The following ARHGEF10L variants were observed in gnomAD, a reference collection of about 807,000 sequenced individuals.
ARHGEF10L encodes Rho guanine nucleotide exchange factor 10 like.
In ARHGEF10L, 69 loss-of-function variants were observed where a neutral mutation model predicts 141.2. That is an observed-to-expected ratio of 0.49 (90% CI 0.40 to 0.60). The LOEUF is 0.60. ARHGEF10L is among the 20% of genes least tolerant of loss of function. ARHGEF10L has a pLI of 0.00. For synonymous variants in ARHGEF10L, 711 were observed against 718.5 expected (o/e 0.99, Z 0.17); for missense variants, 1,482 against 1,734.3 (o/e 0.85, Z 2.58).
At position 17,558,925 on chromosome 1, in the gene ARHGEF10L, C is replaced by T. The variant is rs1365566102; in HGVS notation, c.-44+18975C>T. Among the ~76,000 whole-genome samples the T allele has an allele frequency of 1.3e-5, 2 of 152,320 alleles. No individual in the cohort carries two copies. The highest frequency in any genetic ancestry group is 3.9e-4 in the East Asian group (2 of 5,178). On this transcript the variant is annotated intron_variant, in intron 1 of 28. Coordinates refer to ENST00000361221, the MANE Select transcript of ARHGEF10L (RefSeq NM_018125.4). This position sits in a 1 kb window ranked among gnomAD's most constrained non-coding sequence, Gnocchi z 4.2. ...GCCCTTCCCCAGCTTCCTCGGCTTT[C>T]AGCTCTTTTCTTGTGTAGATTGGAG...
At chr1:17,626,084 G>A (rs377679522) in intron 14 of ARHGEF10L, 36 bp downstream of exon 14, 8 of 1,605,002 alleles carry the variant, frequency 5.0e-6, no homozygotes, top group Middle Eastern at 1.6e-4. Flanking sequence ...CAACCCACAG[G>A]GTTTGCCTGT....
At chr1:17,640,414 C>A in intron 21 of ARHGEF10L, 112 bp downstream of exon 21, 1 of 887,266 alleles carries the variant, frequency 1.1e-6, no homozygotes, top group Non-Finnish European at 1.7e-6. Flanking sequence ...GGCAGGGAGG[C>A]TTCTGAGTGG....
chr1:17,638,470 C>G, intron 19 of ARHGEF10L, 92 bp from the exon 20 acceptor site: 1 of 1,556,292 alleles, frequency 6.4e-7, no homozygotes, highest in Non-Finnish European at 8.7e-7. Context: ...AGTTTCTCTT[C>G]CTCTGGGGTG....
rs2065572258 is a variant in ARHGEF10L, at chr1:17,697,189, C to T, written c.3649C>T (p.Pro1217Ser). 1 of 1,611,996 alleles carries T rather than the reference C, an allele frequency of 6.2e-7. No individual in the cohort carries two copies. The highest frequency in any genetic ancestry group is 8.5e-7 in the Non-Finnish European group (1 of 1,179,488). The change falls in exon 29 of 29, where the codon CCC becomes TCC. Residue 1217 changes from proline (P) to serine (S), a missense_variant. Around this residue, in one of 3 missense-constraint regions of ARHGEF10L, gnomAD observed 858 missense variants for 966.3 expected, o/e 0.89. Transcript: ENST00000361221. This position sits in a 1 kb window ranked among gnomAD's most constrained non-coding sequence, Gnocchi z 4.8. ...CTCCATTTACGAGATGGCCGACGAC[C>T]CCGACATCTGGGTGCGCAGCCGGCC... is the stretch of plus-strand genomic sequence containing the variant. The part of the protein sequence containing the change: ...DGSIYEMADD[P>S]DIWVRSRPCA...
the ARHGEF10L span, among the ~76,000 whole-genome samples, chr1:17,513,710 G>T: frequency 6.6e-6 from 1 of 152,178 alleles, no homozygotes; most frequent in Non-Finnish European, 1.5e-5. Flanking sequence ...CCAATTGGAG[G>T]TATTAATTTT....
intron 27 of ARHGEF10L, 85 bp downstream of exon 27, chr1:17,687,832 C>T: frequency 7.1e-7 from 1 of 1,400,422 alleles, no homozygotes; most frequent in Admixed American, 2.7e-5. Context: ...GCAGCCCATC[C>T]CATTTTCCCT....
At chr1:17,696,057 T>TA (rs903789105) in intron 28 of ARHGEF10L, among the ~76,000 whole-genome samples, 40 of 151,718 alleles carry the variant, frequency 2.6e-4, no homozygotes, top group African/African-American at 8.0e-4. Flanking sequence ...AAAATAAAAA[T>TA]AAAAAATTAG....
chr1:17,665,845 T>A (rs2062946101), intron 26 of ARHGEF10L, among the ~76,000 whole-genome samples: 1 of 152,120 alleles, frequency 6.6e-6, no homozygotes, highest in African/African-American at 2.4e-5. Flanking sequence ...AGCCCCAGCA[T>A]CTGTGGACAG....
At chr1:17,691,719 G>A (rs2065123063) in intron 27 of ARHGEF10L, among the ~76,000 whole-genome samples, 2 of 151,686 alleles carry the variant, frequency 1.3e-5, no homozygotes, top group Admixed American at 1.3e-4. Context: ...ATATATATGT[G>A]TGTATATATT....
At chr1:17,645,845 G>A (rs150074075) in intron 21 of ARHGEF10L, among the ~76,000 whole-genome samples, 6 of 152,318 alleles carry the variant, frequency 3.9e-5, no homozygotes, top group East Asian at 1.9e-4. Flanking sequence ...CGTATCTCCC[G>A]TGATGGCTGT....
Position 17,625,870 on chromosome 1 carries a change from C to T in ARHGEF10L, c.1318-86C>T. ...GGGTCTTAGGGCCTGGGGAGAGGAGCCCAGAATGGGGACAGTGTCTGGACT... is the reference window on the plus strand; with the variant it reads ...GGGTCTTAGGGCCTGGGGAGAGGAGTCCAGAATGGGGACAGTGTCTGGACT... On this transcript the variant is annotated intron_variant, in intron 13 of 28. Coordinates refer to ENST00000361221, the MANE Select transcript of ARHGEF10L (RefSeq NM_018125.4). The surrounding 1 kb of genome is among the most constrained non-coding windows in gnomAD (Gnocchi z 4.5). 8.4e-7 allele frequency: 1 copy of T among 1,197,470 alleles called. No individual in the cohort carries two copies. The highest frequency in any genetic ancestry group is 1.2e-6 in the Non-Finnish European group (1 of 818,420). The allele number at this position is 1,197,470 out of a possible 1,614,324, so 74.2% of individuals were successfully genotyped here. A position where few individuals can be genotyped will look rare whatever the true frequency, so the allele number is the denominator to read the frequency against.
chr1:17,521,971 C>G, the ARHGEF10L span, among the ~76,000 whole-genome samples: 1 of 152,212 alleles, frequency 6.6e-6, no homozygotes. Flanking sequence ...CCTATCCTTA[C>G]GTAGCCCCCA....
chr1:17,620,723 G>C (rs2060061865), intron 10 of ARHGEF10L, among the ~76,000 whole-genome samples: 1 of 152,140 alleles, frequency 6.6e-6, no homozygotes, highest in Admixed American at 6.5e-5. Context: ...GGACAGCTGT[G>C]GGGGTAGAGT....
At chr1:17,681,358 A>G (rs530631768) in intron 26 of ARHGEF10L, among the ~76,000 whole-genome samples, 1 of 152,338 alleles carries the variant, frequency 6.6e-6, no homozygotes, top group East Asian at 1.9e-4. Context: ...GTCCAGGTAC[A>G]GGTTTTCCCA....
intron 2 of ARHGEF10L, among the ~76,000 whole-genome samples, chr1:17,582,173 C>T (rs961896445): frequency 6.6e-5 from 10 of 152,108 alleles, no homozygotes; most frequent in Non-Finnish European, 1.0e-4. Context: ...GAGACAAGCA[C>T]ATCTCACCTC....
intron 26 of ARHGEF10L, among the ~76,000 whole-genome samples, chr1:17,669,648 G>A (rs531711304): frequency 1.1e-4 from 17 of 152,296 alleles, no homozygotes; most frequent in Non-Finnish European, 1.9e-4. Flanking sequence ...TTCTGTCTGC[G>A]TCAGATGTAA....
At chr1:17,552,578 T>G (rs917888512) in intron 1 of ARHGEF10L, among the ~76,000 whole-genome samples, 2 of 110,308 alleles carry the variant, frequency 1.8e-5, no homozygotes, top group Non-Finnish European at 4.2e-5. Flanking sequence ...TTCGTTTTTT[T>G]TTTTTTTTTT....
At chr1:17,585,092 A>G (rs1346444817) in intron 2 of ARHGEF10L, among the ~76,000 whole-genome samples, 3 of 152,238 alleles carry the variant, frequency 2.0e-5, no homozygotes, top group Non-Finnish European at 4.4e-5. Flanking sequence ...AACATCTGAA[A>G]CAAAACAAGC....
At chr1:17,520,647 C>T in the ARHGEF10L span, among the ~76,000 whole-genome samples, 2,250 of 152,262 alleles carry the variant, frequency 0.015, 51 homozygotes, top group African/African-American at 0.051. Flanking sequence ...TGAGGAGAAC[C>T]GTGCTGGGTG....
Sources: allele counts gnomAD v4.1 joint callset (sites outside exome capture counted in the v4.1 genomes callset), GRCh38; gene constraint gnomAD v4.1.1; regional missense constraint gnomAD v4.1.1; non-coding constraint Gnocchi (gnomAD v3.1); transcripts MANE v1.5; gene names NCBI Gene and HGNC (gene_info 2026-07-23, HGNC 2026-07-21).